DEPDC5: variants seen among roughly 807,000 people sequenced by gnomAD.
DEPDC5 encodes GATOR1 complex protein DEPDC5.
Under a neutral mutation model 217.3 loss-of-function variants are expected in DEPDC5, and 73 were observed. The ratio of observed to expected loss-of-function variants is 0.34; its 90% CI spans 0.28 to 0.41. The LOEUF (loss-of-function observed/expected upper bound fraction) is 0.41. Ranked by LOEUF, DEPDC5 falls within the 10% of genes least tolerant of loss-of-function variation. The probability of loss-of-function intolerance (pLI) is 1.00; values close to 1 mark genes in which losing one functional copy is unlikely to be tolerated. For missense variants in DEPDC5, 1,675 were observed against 2,070.1 expected, an observed-to-expected ratio of 0.81 and a Z score of 3.70; for synonymous variants, 733 against 756.7, an observed-to-expected ratio of 0.97 and a Z score of 0.51.
chr22:31,871,824 T>C (rs747547541), intron 34 of DEPDC5, among the ~76,000 whole-genome samples: 5 of 152,198 alleles, frequency 3.3e-5, no homozygotes, highest in Admixed American at 6.5e-5. Context: ...TATTTCATGA[T>C]GAAGAACTTA....
At position 31,881,527 on chromosome 22, in the gene DEPDC5, C is replaced by T. The variant is rs201505185; in HGVS notation, c.4033+1775C>T. Among the ~76,000 whole-genome samples, 69 of 152,158 alleles carry T rather than the reference C, an allele frequency of 4.5e-4. No homozygotes were observed. In the East Asian group the frequency reaches 0.01, roughly 22 times the overall value. On this transcript the variant is annotated intron_variant, in intron 38 of 42. Coordinates refer to ENST00000651528, the MANE Select transcript of DEPDC5 (RefSeq NM_001242896.3). ...TTTGGGATTAAAGAAGCCGTATACCCGTTACCCTGGGGTGCTCACTTCCAG... is the reference window on the plus strand; with the variant it reads ...TTTGGGATTAAAGAAGCCGTATACCTGTTACCCTGGGGTGCTCACTTCCAG...
intron 33 of DEPDC5, among the ~76,000 whole-genome samples, chr22:31,869,895 G>A (rs1299729945): frequency 2.0e-5 from 3 of 152,176 alleles, no homozygotes; most frequent in Non-Finnish European, 4.4e-5. Context: ...GTTTTTGAGG[G>A]AGAGGCTGCA....
chr22:31,758,390 A>T, intron 2 of DEPDC5, 156 bp from the exon 3 acceptor site: 1 of 649,950 alleles, frequency 1.5e-6, no homozygotes, highest in Non-Finnish European at 2.8e-6. Flanking sequence ...TTCCTGTGTG[A>T]ATCCATTAGT....
intron 40 of DEPDC5, among the ~76,000 whole-genome samples, chr22:31,899,925 T>A (rs2093619615): frequency 1.3e-5 from 2 of 152,176 alleles, no homozygotes; most frequent in Non-Finnish European, 2.9e-5. Flanking sequence ...CACTCTTGGT[T>A]CTCAGCAACA....
intron 37 of DEPDC5, among the ~76,000 whole-genome samples, chr22:31,877,781 A>G (rs2093046406): frequency 1.3e-5 from 2 of 151,330 alleles, no homozygotes; most frequent in Admixed American, 1.3e-4. Context: ...AAAACAGCAA[A>G]AACAGAAAAC....
chr22:31,801,336 A>G (rs2086848945), intron 14 of DEPDC5, among the ~76,000 whole-genome samples: 1 of 152,124 alleles, frequency 6.6e-6, no homozygotes, highest in Non-Finnish European at 1.5e-5. Context: ...TGTAAAAGTA[A>G]CCATGTTACT....
At chr22:31,783,723 TA>T (rs2084696324) in intron 8 of DEPDC5, among the ~76,000 whole-genome samples, 183 bp from the exon 9 acceptor site, 1 of 152,044 alleles carries the variant, frequency 6.6e-6, no homozygotes. Context: ...ATCATTGCTT[TA>T]AAAAAAATTG....
intron 14 of DEPDC5, among the ~76,000 whole-genome samples, chr22:31,801,853 T>C (rs2086898617): frequency 6.6e-6 from 1 of 152,154 alleles, no homozygotes; most frequent in African/African-American, 2.4e-5. Flanking sequence ...GCATAATGTC[T>C]TCTATTAGTA....
intron 41 of DEPDC5, among the ~76,000 whole-genome samples, chr22:31,903,313 C>T (rs2093687159): frequency 2.6e-5 from 2 of 78,324 alleles, no homozygotes; most frequent in Admixed American, 2.6e-4. Flanking sequence ...ACACGTAAAC[C>T]CCCTCCACCT....
chr22:31,851,563 G>C (rs753350788), intron 31 of DEPDC5, among the ~76,000 whole-genome samples: 1 of 152,176 alleles, frequency 6.6e-6, no homozygotes, highest in Admixed American at 6.5e-5. Flanking sequence ...TCCCTGACTT[G>C]ACTGTGTGCT....
At chr22:31,822,919 A>G in intron 24 of DEPDC5, 129 bp downstream of exon 24, 1 of 877,222 alleles carries the variant, frequency 1.1e-6, no homozygotes, top group Non-Finnish European at 1.8e-6. Context: ...TGGGTGACCT[A>G]TTTAGAAACA....
rs181232878 is a variant in DEPDC5 at position 31,857,051 on chromosome 22, A to G, written c.3156-394A>G. On this transcript the variant is annotated intron_variant, in intron 31 of 42. Coordinates refer to ENST00000651528, the MANE Select transcript of DEPDC5 (RefSeq NM_001242896.3). Reference sequence around the variant, plus strand: ...TTACCAAAGTGCGGGGTTTACAGGCATGAGCCACCACACAGTCTTAACATT... The same window carrying G: ...TTACCAAAGTGCGGGGTTTACAGGCGTGAGCCACCACACAGTCTTAACATT... Among the ~76,000 whole-genome samples the G allele has an allele frequency of 5.3e-5, 8 of 152,322 alleles. No homozygotes were observed. In the East Asian group the frequency reaches 7.7e-4, roughly 15 times the overall value.
At chr22:31,813,544 A>G (rs1048106685) in intron 20 of DEPDC5, among the ~76,000 whole-genome samples, 6 of 152,164 alleles carry the variant, frequency 3.9e-5, no homozygotes, top group African/African-American at 1.4e-4. Context: ...CTCTGATGCC[A>G]GAAGGGCAGC....
At chr22:31,862,711 G>A (rs921747804) in intron 33 of DEPDC5, among the ~76,000 whole-genome samples, 2 of 152,162 alleles carry the variant, frequency 1.3e-5, no homozygotes, top group African/African-American at 4.8e-5. Flanking sequence ...AGTTAACATT[G>A]GAACAGGTCA....
chr22:31,873,187 C>G, intron 34 of DEPDC5, 68 bp from the exon 35 acceptor site: 3 of 1,611,794 alleles, frequency 1.9e-6, no homozygotes, highest in South Asian at 1.1e-5. Flanking sequence ...GGAGACTGTT[C>G]CTAATATTCG....
chr22:31,763,038 T>G (rs2082528530), intron 4 of DEPDC5, among the ~76,000 whole-genome samples: 1 of 152,036 alleles, frequency 6.6e-6, no homozygotes, highest in African/African-American at 2.4e-5. Flanking sequence ...TCACCCAGGC[T>G]GGAACGCAAT....
Position 31,806,111 on chromosome 22 carries a change from T to G in DEPDC5, c.1218-11T>G, listed in dbSNP as rs1267117256. 1 of 1,608,864 alleles carries G rather than the reference T, an allele frequency of 6.2e-7. No homozygotes were observed. The highest frequency in any genetic ancestry group is 1.3e-5 in the African/African-American group (1 of 74,668). ...AATTTAGATTAATGACTCTGTTTGTTTCTTTTACAGTTTCTACACATCCAA... is the reference window on the plus strand; with the variant it reads ...AATTTAGATTAATGACTCTGTTTGTGTCTTTTACAGTTTCTACACATCCAA... On this transcript the variant is annotated splice_polypyrimidine_tract_variant and intron_variant, in intron 17 of 42. Coordinates refer to ENST00000651528, the MANE Select transcript of DEPDC5 (RefSeq NM_001242896.3).
At chr22:31,870,423 A>G (rs1036817182) in intron 33 of DEPDC5, among the ~76,000 whole-genome samples, 167 bp from the exon 34 acceptor site, 4 of 152,234 alleles carry the variant, frequency 2.6e-5, no homozygotes, top group African/African-American at 9.6e-5. Context: ...TAGCTGTGCC[A>G]CTAGGGACCA....
intron 23 of DEPDC5, among the ~76,000 whole-genome samples, chr22:31,822,091 G>A (rs376609854): frequency 6.6e-6 from 1 of 152,198 alleles, no homozygotes; most frequent in Non-Finnish European, 1.5e-5. Context: ...TGGAAATGAA[G>A]GCTTATGTTT....
Sources: gnomAD v4.1 joint callset for allele counts (sites outside exome capture counted in the v4.1 genomes callset) on GRCh38, gnomAD v4.1.1 for gene constraint, MANE v1.5 for transcripts, NCBI Gene and HGNC (gene_info 2026-07-23, HGNC 2026-07-21) for gene names.